The following SPTBN1 variants were observed in gnomAD, a reference collection of about 807,000 sequenced individuals.
SPTBN1 encodes spectrin beta, non-erythrocytic 1.
Under a neutral mutation model 266.4 loss-of-function variants are expected in SPTBN1, and 32 were observed. That is an observed-to-expected ratio of 0.12 (90% CI 0.09 to 0.16). The LOEUF is 0.16. SPTBN1 is among the 10% of genes least tolerant of loss of function. SPTBN1 has a pLI of 1.00. For synonymous variants in SPTBN1, 1,336 were observed against 1,162.2 expected (o/e 1.15, Z -3.04); for missense variants, 2,296 against 3,067.1 (o/e 0.75, Z 5.94).
chr2:54,509,317 G>A (rs939665889), intron 1 of SPTBN1, among the ~76,000 whole-genome samples: 1 of 152,222 alleles, frequency 6.6e-6, no homozygotes, highest in Non-Finnish European at 1.5e-5. Flanking sequence ...AGGAACAATG[G>A]TAACTGTGGG....
At chr2:54,518,696 A>C (rs530776186) in intron 1 of SPTBN1, among the ~76,000 whole-genome samples, 1 of 152,198 alleles carries the variant, frequency 6.6e-6, no homozygotes, top group Non-Finnish European at 1.5e-5. Context: ...AATTCTGCCA[A>C]AGTAATTGTT....
At chr2:54,655,649 C>T (rs1484257729) in intron 28 of SPTBN1, among the ~76,000 whole-genome samples, 1 of 152,242 alleles carries the variant, frequency 6.6e-6, no homozygotes, top group Non-Finnish European at 1.5e-5. Flanking sequence ...CTGTCCCTCT[C>T]CTGAACGTGT....
At chr2:54,463,752 A>G (rs1693488873) in intron 1 of SPTBN1, among the ~76,000 whole-genome samples, 1 of 152,256 alleles carries the variant, frequency 6.6e-6, no homozygotes, top group South Asian at 2.1e-4. Flanking sequence ...TAGAAAAGGT[A>G]TATTCTAGCA....
chr2:54,661,265 G>A (rs1317926011), intron 32 of SPTBN1: 5 of 985,752 alleles, frequency 5.1e-6, no homozygotes, highest in Non-Finnish European at 2.4e-6. Context: ...TGACAGAGAT[G>A]GTTTCCTTGT....
chr2:54,653,328 C>T lies in SPTBN1; in HGVS notation c.5578-281C>T, dbSNP rs1680426223. 2 of 371,676 alleles carry T rather than the reference C, an allele frequency of 5.4e-6. No individual in the cohort carries two copies. The highest frequency in any genetic ancestry group is 4.5e-5 in the South Asian group (1 of 22,410). The allele number at this position is 371,676 out of a possible 1,614,324, so 23.0% of individuals were successfully genotyped here. A position where few individuals can be genotyped will look rare whatever the true frequency, so the allele number is the denominator to read the frequency against. On this transcript the variant is annotated intron_variant, in intron 26 of 35. Transcript: ENST00000356805. The surrounding 1 kb of genome is among the most constrained non-coding windows in gnomAD (Gnocchi z 5.1). ...CCACTCAGATATCCCAGGCTGCCTC[C>T]AGGGGACTTTCCCTGACTAAACTCT...
At chr2:54,486,922 A>G (rs369912075) in intron 1 of SPTBN1, among the ~76,000 whole-genome samples, 143 of 152,228 alleles carry the variant, frequency 9.4e-4, no homozygotes, top group African/African-American at 3.0e-3. Flanking sequence ...CTTTGTAACA[A>G]GCAAACATAA....
intron 1 of SPTBN1, among the ~76,000 whole-genome samples, chr2:54,519,670 G>A (rs1012473583): frequency 1.3e-5 from 2 of 152,166 alleles, no homozygotes; most frequent in Non-Finnish European, 2.9e-5. Flanking sequence ...GGCATTGGGA[G>A]CCATTTGGTA....
chr2:54,472,019 G>A (rs1693947947), intron 1 of SPTBN1, among the ~76,000 whole-genome samples: 1 of 78,970 alleles, frequency 1.3e-5, no homozygotes, highest in Non-Finnish European at 2.2e-5. Flanking sequence ...GGGCCCTGAA[G>A]ATGTTTTTTT....
Position 54,628,796 on chromosome 2 carries a change from T to C in SPTBN1, c.1799-137T>C. The C allele has an allele frequency of 8.7e-7, 1 of 1,151,986 alleles. No homozygotes were observed. Among genetic ancestry groups the C allele is most frequent in the Non-Finnish European group, 1.2e-6 (1 of 834,954 alleles). The allele number at this position is 1,151,986 out of a possible 1,614,324, so 71.4% of individuals were successfully genotyped here. A position where few individuals can be genotyped will look rare whatever the true frequency, so the allele number is the denominator to read the frequency against. On this transcript the variant is annotated intron_variant, in intron 13 of 35. Transcript: ENST00000356805. This position sits in a 1 kb window ranked among gnomAD's most constrained non-coding sequence, Gnocchi z 4.3. ...TGTTAGAAGGTGCTCCATTGCCTTA[T>C]CGCATGGCCCTGCATTTACATTTAG...
chr2:54,648,965 A>G (rs375369248), intron 24 of SPTBN1, 21 bp from the exon 25 acceptor site: 2 of 1,562,086 alleles, frequency 1.3e-6, no homozygotes, highest in Admixed American at 1.8e-5. Flanking sequence ...TTTTCTCCCC[A>G]TTGCTCCTTT....
At chr2:54,574,361 C>T (rs547525532) in intron 2 of SPTBN1, among the ~76,000 whole-genome samples, 14 of 152,136 alleles carry the variant, frequency 9.2e-5, no homozygotes, top group Non-Finnish European at 1.5e-4. Context: ...ACTGCTTCTC[C>T]GAGATAGTTA....
intron 8 of SPTBN1, among the ~76,000 whole-genome samples, chr2:54,621,756 G>A (rs546174727): frequency 3.3e-5 from 5 of 152,294 alleles, no homozygotes; most frequent in South Asian, 4.1e-4. Context: ...AACTGCTCCA[G>A]GAAATTGGGT....
chr2:54,551,592 G>A, intron 2 of SPTBN1, among the ~76,000 whole-genome samples: 1 of 152,200 alleles, frequency 6.6e-6, no homozygotes. Flanking sequence ...CCTCAGCAGT[G>A]ATCTCAGGTG....
At chr2:54,655,279 T>G in intron 28 of SPTBN1, 71 bp downstream of exon 28, 1 of 1,575,030 alleles carries the variant, frequency 6.3e-7, no homozygotes, top group Non-Finnish European at 8.7e-7. Context: ...TATATGTTTG[T>G]GTGTGTCAGA....
chr2:54,630,887 A>G lies in SPTBN1; in HGVS notation c.2840A>G (p.Lys947Arg). The change falls in exon 16 of 36, where the codon AAG becomes AGG. Residue 947 changes from lysine (K) to arginine (R), a missense_variant. By Grantham distance (26) the Lys-to-Arg change is conservative. Transcript: ENST00000356805. ...CAGTTCAGAGAACTGGTTGACAGGA[A>G]GAAGGATGCCCTCCTGTCTGCCCTG... ...WSQFRELVDR[K>R]KDALLSALSI... 2 of 1,605,078 alleles carry G rather than the reference A, an allele frequency of 1.2e-6. No homozygotes were observed. The highest frequency in any genetic ancestry group is 1.1e-5 in the South Asian group (1 of 89,580).
At position 54,559,554 on chromosome 2, in the gene SPTBN1, A is replaced by G. The variant is rs960136762; in HGVS notation, c.148+32988A>G. On this transcript the variant is annotated intron_variant, in intron 2 of 35. Transcript: ENST00000356805. ...AGGCTCAGACAATTGAATGAGTCCA[A>G]TATTTTACTGAACATATTTTTAGGG... is the stretch of plus-strand genomic sequence containing the variant. Among the ~76,000 whole-genome samples the G allele has an allele frequency of 5.3e-5, 8 of 152,308 alleles. No homozygotes were observed. The South Asian group carries it at 6.2e-4, about 12-fold the overall frequency.
At chr2:54,657,449 C>T (rs1425150797) in intron 29 of SPTBN1, among the ~76,000 whole-genome samples, 1 of 152,228 alleles carries the variant, frequency 6.6e-6, no homozygotes, top group Non-Finnish European at 1.5e-5. Context: ...CCACGTGTGG[C>T]TCTTGAGAAC....
Position 54,584,785 on chromosome 2 carries a change from T to G in SPTBN1, c.149-14307T>G, listed in dbSNP as rs1005548618. Among the ~76,000 whole-genome samples the G allele has an allele frequency of 2.6e-5, 4 of 152,198 alleles. No homozygotes were observed. In the East Asian group the frequency reaches 7.7e-4, roughly 29 times the overall value. Reference sequence around the variant, plus strand: ...GCTTCCTAGGCTATGTCAAGGTAGCTGAACAATAAGACTACACCTAAGACA... The same window carrying G: ...GCTTCCTAGGCTATGTCAAGGTAGCGGAACAATAAGACTACACCTAAGACA... On this transcript the variant is annotated intron_variant, in intron 2 of 35. Transcript: ENST00000356805.
At chr2:54,465,019 A>C (rs777591624) in intron 1 of SPTBN1, among the ~76,000 whole-genome samples, 1 of 152,196 alleles carries the variant, frequency 6.6e-6, no homozygotes, top group Non-Finnish European at 1.5e-5. Context: ...ATAATCAAAA[A>C]AGCAATCAAC....
Sources: allele counts gnomAD v4.1 joint callset (sites outside exome capture counted in the v4.1 genomes callset), GRCh38; gene constraint gnomAD v4.1.1; non-coding constraint Gnocchi (gnomAD v3.1); transcripts MANE v1.5; gene names NCBI Gene and HGNC (gene_info 2026-07-23, HGNC 2026-07-21).